Variants in VPS41 observed in about 807,000 individuals in gnomAD.
VPS41 encodes vacuolar protein sorting-associated protein 41 homolog.
Under a neutral mutation model 130.9 loss-of-function variants are expected in VPS41, and 85 were observed. That is an observed-to-expected ratio of 0.65 (90% confidence interval 0.55 to 0.78). VPS41 has a LOEUF of 0.78. VPS41 is among the 30% of genes least tolerant of loss of function. The probability of loss-of-function intolerance (pLI) is 0.00; values close to 1 mark genes in which losing one functional copy is unlikely to be tolerated. For missense variants in VPS41, 874 were observed against 1,018.7 expected (o/e 0.86, Z 1.93); for synonymous variants, 335 against 332.9 (o/e 1.01, Z -0.07).
intron 4 of VPS41, among the ~76,000 whole-genome samples, chr7:38,836,897 G>A (rs185785365): frequency 1.1e-4 from 16 of 152,112 alleles, no homozygotes; most frequent in Non-Finnish European, 2.1e-4. Context: ...TTGAAAATGT[G>A]TATCAAAATT....
At chr7:38,879,668 T>C (rs1435465123) in intron 2 of VPS41, among the ~76,000 whole-genome samples, 1 of 152,030 alleles carries the variant, frequency 6.6e-6, no homozygotes, top group African/African-American at 2.4e-5. Context: ...TAGATCCTCA[T>C]AAGGAGTGCA....
intron 10 of VPS41, among the ~76,000 whole-genome samples, chr7:38,786,339 C>T (rs1258258501): frequency 6.6e-6 from 1 of 152,168 alleles, no homozygotes; most frequent in Non-Finnish European, 1.5e-5. Context: ...CTTCTGTTTG[C>T]AATGTATTCA....
At chr7:38,810,112 TTC>T (rs1784913953) in intron 7 of VPS41, among the ~76,000 whole-genome samples, 1 of 152,128 alleles carries the variant, frequency 6.6e-6, no homozygotes. Context: ...TTTTTTTTTT[TTC>T]AAGATGGAAA....
At chr7:38,803,280 G>C (rs1039929428) in intron 7 of VPS41, among the ~76,000 whole-genome samples, 15 of 152,218 alleles carry the variant, frequency 9.9e-5, no homozygotes, top group African/African-American at 3.4e-4. Context: ...GTTGAAAAGA[G>C]TATCATTGGC....
At chr7:38,857,994 C>T (rs187707809) in intron 4 of VPS41, among the ~76,000 whole-genome samples, 165 of 152,296 alleles carry the variant, frequency 1.1e-3, no homozygotes, top group African/African-American at 3.7e-3. Flanking sequence ...CAGAAAGAAT[C>T]AGCAGAAAGG....
chr7:38,884,282 C>T (rs1786673504), intron 2 of VPS41, among the ~76,000 whole-genome samples: 1 of 152,116 alleles, frequency 6.6e-6, no homozygotes, highest in African/African-American at 2.4e-5. Flanking sequence ...CTAGAAATTG[C>T]ATTTCATTTT....
chr7:38,753,739 T>A (rs901969724), intron 21 of VPS41, among the ~76,000 whole-genome samples: 7 of 152,128 alleles, frequency 4.6e-5, no homozygotes, highest in African/African-American at 1.4e-4. Flanking sequence ...TGGTTAGCAA[T>A]GTGGAGCCTT....
intron 5 of VPS41, among the ~76,000 whole-genome samples, chr7:38,826,849 C>T (rs1017107197): frequency 2.4e-4 from 37 of 152,120 alleles, no homozygotes; most frequent in African/African-American, 8.9e-4. Flanking sequence ...GATGGAGTCT[C>T]ACTCTGTCAC....
At chr7:38,743,296 T>C in intron 24 of VPS41, 106 bp downstream of exon 24, 4 of 1,284,410 alleles carry the variant, frequency 3.1e-6, no homozygotes, top group Non-Finnish European at 4.4e-6. Flanking sequence ...GTAGGTACGC[T>C]ACCATTTTCT....
At chr7:38,732,541 TA>T (rs1045638460) in intron 25 of VPS41, among the ~76,000 whole-genome samples, 6 of 152,246 alleles carry the variant, frequency 3.9e-5, no homozygotes, top group African/African-American at 1.4e-4. Context: ...ATTAAAATTT[TA>T]TTGAACATAC....
chr7:38,849,881 G>A (rs1785813439), intron 4 of VPS41, among the ~76,000 whole-genome samples: 1 of 151,636 alleles, frequency 6.6e-6, no homozygotes, highest in South Asian at 2.1e-4. Flanking sequence ...GCCCTAGCCA[G>A]AGACACACCC....
chr7:38,748,760 T>A (rs1430422909), intron 22 of VPS41, among the ~76,000 whole-genome samples: 1 of 152,046 alleles, frequency 6.6e-6, no homozygotes, highest in Non-Finnish European at 1.5e-5. Context: ...CTTATTTCCA[T>A]TAACTTTTTA....
Position 38,774,105 on chromosome 7 carries a change from T to A in VPS41, c.1012+10A>T. 6.3e-7 allele frequency: 1 copy of A among 1,587,374 alleles called. No homozygotes were observed. Among genetic ancestry groups the A allele is most frequent in the African/African-American group, 1.3e-5 (1 of 74,194 alleles). On this transcript the variant is annotated intron_variant, in intron 12 of 28. Transcript: ENST00000310301. Reference sequence around the variant, plus strand: ...AAAAGCATATCAGCCAGATCTTTCATATCTCCTACCTAAATGATAATCTCT... The same window carrying A: ...AAAAGCATATCAGCCAGATCTTTCAAATCTCCTACCTAAATGATAATCTCT...
intron 1 of VPS41, among the ~76,000 whole-genome samples, chr7:38,903,251 T>G (rs1433383235): frequency 6.6e-6 from 1 of 151,990 alleles, no homozygotes; most frequent in African/African-American, 2.4e-5. Context: ...TCCCTAATCC[T>G]CCCATCAGCA....
chr7:38,791,131 T>C (rs549059376), intron 9 of VPS41, among the ~76,000 whole-genome samples: 1 of 152,324 alleles, frequency 6.6e-6, no homozygotes, highest in Admixed American at 6.5e-5. Flanking sequence ...CTTCCTTGAT[T>C]GCTTTTTGCC....
chr7:38,774,990 T>TG (rs1271888277), intron 11 of VPS41, among the ~76,000 whole-genome samples: 5 of 152,166 alleles, frequency 3.3e-5, no homozygotes, highest in Admixed American at 3.3e-4. Flanking sequence ...AATGGAATAA[T>TG]GCCCATGAAA....
chr7:38,844,346 A>C (rs1785678437), intron 4 of VPS41, among the ~76,000 whole-genome samples: 1 of 152,260 alleles, frequency 6.6e-6, no homozygotes. Flanking sequence ...CATCATTTAT[A>C]TATATCTCCG....
rs1459780994 is a variant in VPS41 at position 38,753,234 on chromosome 7, T to C, written c.1789-921A>G. ...CAAGTGGATTGGTTTATAACAGACA[T>C]AGAGCACCAGCCGCCCTGCAGCTGA... On this transcript the variant is annotated intron_variant, in intron 21 of 28. Transcript: ENST00000310301. 2.6e-5 allele frequency among the ~76,000 whole-genome samples: 4 copies of C among 152,094 alleles called. No homozygotes were observed. The East Asian group carries it at 7.7e-4, about 29-fold the overall frequency.
chr7:38,812,922 A>G (rs1363616902), intron 7 of VPS41, among the ~76,000 whole-genome samples: 1 of 152,174 alleles, frequency 6.6e-6, no homozygotes, highest in Non-Finnish European at 1.5e-5. Flanking sequence ...AAACCCTCAT[A>G]TATTTCTGAT....
Sources: allele counts gnomAD v4.1 joint callset (sites outside exome capture counted in the v4.1 genomes callset), GRCh38; gene constraint gnomAD v4.1.1; transcripts MANE v1.5; gene names NCBI Gene and HGNC (gene_info 2026-07-23, HGNC 2026-07-21).